The following TRIM24 variants were observed in gnomAD, a reference collection of about 807,000 sequenced individuals.
The protein encoded by TRIM24 is transcription intermediary factor 1-alpha.
Under a neutral mutation model 123.9 loss-of-function variants are expected in TRIM24, and 29 were observed. The observed-to-expected ratio is 0.23, with a 90% CI of 0.17 to 0.32. The LOEUF is 0.32. TRIM24 is among the 10% of genes least tolerant of loss of function. The pLI, the probability that TRIM24 is intolerant of heterozygous loss-of-function variation, is 1.00. For missense variants in TRIM24, 932 were observed against 1,295.3 expected, an observed-to-expected ratio of 0.72 and a Z score of 4.31; for synonymous variants, 456 against 461.1, an observed-to-expected ratio of 0.99 and a Z score of 0.14.
chr7:138,504,177 T>C, intron 1 of TRIM24, 113 bp from the exon 2 acceptor site: 1 of 566,766 alleles, frequency 1.8e-6, no homozygotes, highest in Non-Finnish European at 2.9e-6. Flanking sequence ...ACAGCAGGTA[T>C]GAATTTAAAA....
At chr7:138,561,367 C>T (rs149378432) in intron 9 of TRIM24, among the ~76,000 whole-genome samples, 8 of 152,290 alleles carry the variant, frequency 5.3e-5, no homozygotes, top group East Asian at 3.9e-4. Flanking sequence ...TCCATCTACA[C>T]GGCAATGAAG....
intron 7 of TRIM24, among the ~76,000 whole-genome samples, chr7:138,549,534 C>T (rs1370051202): frequency 6.6e-6 from 1 of 151,920 alleles, no homozygotes; most frequent in Non-Finnish European, 1.5e-5. Flanking sequence ...GTGCTAGAAA[C>T]CAAATGAAAA....
intron 7 of TRIM24, among the ~76,000 whole-genome samples, chr7:138,549,073 A>G (rs967032424): frequency 1.3e-5 from 2 of 152,224 alleles, no homozygotes; most frequent in African/African-American, 2.4e-5. Flanking sequence ...TAACATAGTC[A>G]TTTATTATCA....
At chr7:138,559,145 A>AG (rs1424956581) in intron 9 of TRIM24, among the ~76,000 whole-genome samples, 1 of 152,176 alleles carries the variant, frequency 6.6e-6, no homozygotes, top group Non-Finnish European at 1.5e-5. Context: ...TAACATATGT[A>AG]GGGCTGGCTA....
chr7:138,465,192 A>T (rs1419566464), intron 1 of TRIM24, among the ~76,000 whole-genome samples: 1 of 152,248 alleles, frequency 6.6e-6, no homozygotes, highest in Admixed American at 6.5e-5. Flanking sequence ...ACTTCGGTTT[A>T]ACTGTCCTTT....
intron 6 of TRIM24, among the ~76,000 whole-genome samples, chr7:138,533,007 C>G (rs991877001): frequency 6.6e-6 from 1 of 152,150 alleles, no homozygotes; most frequent in Non-Finnish European, 1.5e-5. Context: ...TGATTTGGCT[C>G]TCTGTTTGTC....
chr7:138,486,480 TAA>T (rs1310078244), intron 1 of TRIM24, among the ~76,000 whole-genome samples: 1 of 152,248 alleles, frequency 6.6e-6, no homozygotes, highest in Non-Finnish European at 1.5e-5. Flanking sequence ...GTCTAACATT[TAA>T]GTCTTTAATC....
At chr7:138,515,539 T>G (rs2116556243) in intron 3 of TRIM24, among the ~76,000 whole-genome samples, 180 bp downstream of exon 3, 1 of 152,378 alleles carries the variant, frequency 6.6e-6, no homozygotes, top group Middle Eastern at 3.4e-3. Context: ...CGAATAGATG[T>G]AGAACCCTGT....
rs1423058226 is a variant in TRIM24 at position 138,579,257 on chromosome 7, C to T, written c.2310C>T (p.Ser770=). The T allele has an allele frequency of 1.2e-6, 2 of 1,613,150 alleles. No individual in the cohort carries two copies. Among genetic ancestry groups the T allele is most frequent in the East Asian group, 4.5e-5 (2 of 44,862 alleles). ...LTSLLLNSSQ[S]STSEETVLRS... ...CCCTGCTCTTAAATAGCAGTCAGAG[C>T]TCTACTTCTGAGGAGACTGTGCTAA... Residue 770 remains serine (S), a synonymous_variant, in exon 15 of 19, where the codon AGC becomes AGT. Coordinates refer to ENST00000343526, the MANE Select transcript of TRIM24 (RefSeq NM_015905.3).
rs1298100466 is a variant in TRIM24 at position 138,579,362 on chromosome 7, G to A, written c.2415G>A (p.Leu805=). 2 of 1,614,092 alleles carry A rather than the reference G, an allele frequency of 1.2e-6. No individual in the cohort carries two copies. Among genetic ancestry groups the A allele is most frequent in the Non-Finnish European group, 1.7e-6 (2 of 1,180,002 alleles). ...CCTCAAATGGAAAGTCTGAATGGTT[G>A]GATCCTTCCCAGAAGTCACCTCTTC... ...DNSSNGKSEW[L]DPSQKSPLHV... Residue 805 remains leucine, a synonymous_variant, in exon 15 of 19, where the codon TTG becomes TTA. Transcript: ENST00000343526.
At position 138,460,805 on chromosome 7, in the gene TRIM24, A is replaced by T; in HGVS notation, c.257A>T (p.Gln86Leu). Residue 86 changes from glutamine to leucine, a missense_variant, in exon 1 of 19, where the codon CAG (glutamine) becomes CTG (leucine). Physicochemically the swap from Gln to Leu is moderately radical, Grantham distance 113. This residue lies in a region of TRIM24 where 164 missense variants were observed against 181.9 expected (regional missense o/e 0.90). Coordinates refer to ENST00000343526, the MANE Select transcript of TRIM24 (RefSeq NM_015905.3). ...TGCCAGCGCTGCCTGCCCGCGCCCC[A>T]GCGCTACCTCATGCTGCCCGCGCCC... Reference protein sequence around the residue: ...SFCQRCLPAPQRYLMLPAPML... With the variant: ...SFCQRCLPAPLRYLMLPAPML... 4 of 1,581,106 alleles carry T rather than the reference A, an allele frequency of 2.5e-6. No individual in the cohort carries two copies. Among genetic ancestry groups the T allele is most frequent in the Non-Finnish European group, 3.4e-6 (4 of 1,167,476 alleles).
chr7:138,517,402 A>T (rs1279315574), intron 3 of TRIM24, among the ~76,000 whole-genome samples: 2 of 148,228 alleles, frequency 1.3e-5, no homozygotes, highest in African/African-American at 5.2e-5. Flanking sequence ...ACAGAATCTC[A>T]CTCCATGACC....
chr7:138,471,435 A>G (rs1034880584), intron 1 of TRIM24, among the ~76,000 whole-genome samples: 2 of 152,112 alleles, frequency 1.3e-5, no homozygotes, highest in East Asian at 3.8e-4. Context: ...CTTTGACATT[A>G]TGAAACCACC....
chr7:138,508,678 T>TGCGCGCGCGCGCGC (rs1554436586), intron 2 of TRIM24, among the ~76,000 whole-genome samples: 8 of 51,284 alleles, frequency 1.6e-4, no homozygotes, highest in African/African-American at 6.1e-4. Context: ...TGTGTGTGTG[T>TGCGCGCGCGCGCGC]GTGTGTGTGT....
chr7:138,530,770 C>T (rs528936662), intron 6 of TRIM24, among the ~76,000 whole-genome samples: 3 of 151,964 alleles, frequency 2.0e-5, no homozygotes, highest in East Asian at 1.9e-4. Context: ...CCTTGCCCCC[C>T]CTTTGTTTTT....
intron 2 of TRIM24, among the ~76,000 whole-genome samples, chr7:138,508,686 T>TGCGCGCGC (rs1168887347): frequency 1.2e-5 from 1 of 85,948 alleles, no homozygotes; most frequent in Non-Finnish European, 2.4e-5. Context: ...TGTGTGTGTG[T>TGCGCGCGC]GTGTGTGCGC....
rs1279623242 is a variant in TRIM24 at position 138,589,262 on chromosome 7, A to G, written c.*4311A>G. ...TCAGTCAGATCACAGATTTTTCTCC[A>G]TGAAGGTTTTACTTATTGAGAGGGA... On this transcript the variant is annotated 3_prime_UTR_variant, in exon 19 of 19. Coordinates refer to ENST00000343526, the MANE Select transcript of TRIM24 (RefSeq NM_015905.3). 6.6e-6 allele frequency: 1 copy of G among 152,196 alleles called. No individual in the cohort carries two copies. The highest frequency in any genetic ancestry group is 1.5e-5 in the Non-Finnish European group (1 of 68,044). 9.4% of individuals were successfully genotyped at this position (152,196 alleles called of 1,614,324 possible).
chr7:138,568,426 A>C (rs1314001877), intron 10 of TRIM24, among the ~76,000 whole-genome samples: 3 of 102,364 alleles, frequency 2.9e-5, no homozygotes, highest in African/African-American at 3.7e-5. Flanking sequence ...TCTCTCTGTC[A>C]CTCAGGCTAG....
At chr7:138,482,639 A>T (rs74470912) in intron 1 of TRIM24, among the ~76,000 whole-genome samples, 3,246 of 152,280 alleles carry the variant, frequency 0.021, 95 homozygotes, top group African/African-American at 0.071. Flanking sequence ...AGATTTTGCA[A>T]GTCTTCTCTT....
Sources: allele counts gnomAD v4.1 joint callset (sites outside exome capture counted in the v4.1 genomes callset), GRCh38; gene constraint gnomAD v4.1.1; regional missense constraint gnomAD v4.1.1; transcripts MANE v1.5; gene names NCBI Gene and HGNC (gene_info 2026-07-23, HGNC 2026-07-21).